The following MLLT11 variants were observed in gnomAD, a reference collection of about 807,000 sequenced individuals.
The protein encoded by MLLT11 is protein AF1q.
A neutral mutation model predicts 5.3 loss-of-function variants in MLLT11; 1 was observed. That is an observed-to-expected ratio of 0.19 (90% CI 0.07 to 0.89). The LOEUF is 0.89. Among genes scored for constraint, MLLT11 ranks in the 40% least tolerant of loss-of-function variants. The probability of loss-of-function intolerance (pLI) is 0.67; values close to 1 mark genes in which losing one functional copy is unlikely to be tolerated. For synonymous variants in MLLT11, 38 were observed against 41.7 expected (o/e 0.91, Z 0.34); for missense variants, 87 against 107.3 (o/e 0.81, Z 0.83).
chr1:151,068,641 T>G lies in MLLT11; in HGVS notation c.*1144T>G, dbSNP rs1676509205. The G allele has an allele frequency of 6.0e-6, 1 of 167,922 alleles. No homozygotes were observed. Among genetic ancestry groups the G allele is most frequent in the South Asian group, 2.0e-4 (1 of 4,956 alleles). 10.4% of individuals were successfully genotyped at this position (167,922 alleles called of 1,614,324 possible). On this transcript the variant is annotated 3_prime_UTR_variant, in exon 2 of 2. Coordinates refer to ENST00000368921, the MANE Select transcript of MLLT11 (RefSeq NM_006818.4). Reference sequence around the variant, plus strand: ...CTCTGTCACCCAGGCTGGAGTGCAGTGGCGGGGATCACCGCTCACTGCAAC... The same window carrying G: ...CTCTGTCACCCAGGCTGGAGTGCAGGGGCGGGGATCACCGCTCACTGCAAC...
At chr1:151,064,858 T>A (rs2102980541) in intron 1 of MLLT11, among the ~76,000 whole-genome samples, 1 of 152,318 alleles carries the variant, frequency 6.6e-6, no homozygotes, top group African/African-American at 2.4e-5. Context: ...AACAGAGTGA[T>A]AATTAGATAT....
intron 1 of MLLT11, among the ~76,000 whole-genome samples, chr1:151,066,344 G>T (rs1676476551): frequency 6.6e-6 from 1 of 152,034 alleles, no homozygotes; most frequent in Admixed American, 6.6e-5. Context: ...TCCCCATGTT[G>T]GACAGGCTGG....
At position 151,067,584 on chromosome 1, in the gene MLLT11, T is replaced by G; in HGVS notation, c.*87T>G. 7.1e-7 allele frequency: 1 copy of G among 1,407,234 alleles called. No individual in the cohort carries two copies. Among genetic ancestry groups the G allele is most frequent in the Non-Finnish European group, 9.8e-7 (1 of 1,016,976 alleles). 87.2% of individuals were successfully genotyped at this position (1,407,234 alleles called of 1,614,324 possible). A position where few individuals can be genotyped will look rare whatever the true frequency, so the allele number is the denominator to read the frequency against. On this transcript the variant is annotated 3_prime_UTR_variant, in exon 2 of 2. Transcript: ENST00000368921. Reference sequence around the variant, plus strand: ...TTCCACTCCTTTCCCATTTTAATCTTGTTCTCTCCCTACTGTGTTGGTGGT... The same window carrying G: ...TTCCACTCCTTTCCCATTTTAATCTGGTTCTCTCCCTACTGTGTTGGTGGT...
intron 1 of MLLT11, among the ~76,000 whole-genome samples, chr1:151,063,672 G>A (rs867352811): frequency 3.9e-5 from 6 of 152,270 alleles, no homozygotes; most frequent in East Asian, 3.9e-4. Flanking sequence ...TGATCCACCC[G>A]CCTCGGCCTC....
intron 1 of MLLT11, among the ~76,000 whole-genome samples, chr1:151,063,563 C>G (rs1383411728): frequency 6.6e-6 from 1 of 151,882 alleles, no homozygotes; most frequent in Non-Finnish European, 1.5e-5. Context: ...GTAGCTGGGA[C>G]TACAGGCGCC....
At chr1:151,064,542 A>G (rs1192344670) in intron 1 of MLLT11, among the ~76,000 whole-genome samples, 1 of 152,220 alleles carries the variant, frequency 6.6e-6, no homozygotes, top group Non-Finnish European at 1.5e-5. Flanking sequence ...ACTCCTAGGT[A>G]TGGGGACAGA....
intron 1 of MLLT11, among the ~76,000 whole-genome samples, chr1:151,061,895 CATAGAGAT>C (rs1444563450): frequency 2.0e-5 from 3 of 152,120 alleles, no homozygotes; most frequent in African/African-American, 7.2e-5. Flanking sequence ...GGGTCAATGA[CATAGAGAT>C]TTTAGGCCTT....
chr1:151,066,720 C>T (rs997686416), intron 1 of MLLT11, among the ~76,000 whole-genome samples: 14 of 151,694 alleles, frequency 9.2e-5, no homozygotes, highest in African/African-American at 3.4e-4. Flanking sequence ...GTCAGGAGAT[C>T]GAGACCATCC....
chr1:151,065,652 G>A (rs1676466151), intron 1 of MLLT11, among the ~76,000 whole-genome samples: 1 of 152,188 alleles, frequency 6.6e-6, no homozygotes, highest in South Asian at 2.1e-4. Flanking sequence ...TGCAAGAGGT[G>A]AGTTTATAGT....
chr1:151,063,532 T>G (rs976968997), intron 1 of MLLT11, among the ~76,000 whole-genome samples: 1 of 152,132 alleles, frequency 6.6e-6, no homozygotes, highest in Non-Finnish European at 1.5e-5. Context: ...TTCGCGCCAT[T>G]CTCCTGCCTC....
At position 151,067,690 on chromosome 1, in the gene MLLT11, C is replaced by T. The variant is rs1028300438; in HGVS notation, c.*193C>T. 1 of 662,218 alleles carries T rather than the reference C, an allele frequency of 1.5e-6. No homozygotes were observed. The highest frequency in any genetic ancestry group is 2.6e-6 in the Non-Finnish European group (1 of 383,566). 41.0% of individuals were successfully genotyped at this position (662,218 alleles called of 1,614,324 possible). A position where few individuals can be genotyped will look rare whatever the true frequency, so the allele number is the denominator to read the frequency against. Reference sequence around the variant, plus strand: ...CCATTTCTCTCAAAAGCCCTCAAGTCACAAAGTAAATGGTTCAAGCAATGG... The same window carrying T: ...CCATTTCTCTCAAAAGCCCTCAAGTTACAAAGTAAATGGTTCAAGCAATGG... On this transcript the variant is annotated 3_prime_UTR_variant, in exon 2 of 2. Transcript: ENST00000368921.
In MLLT11 at chr1:151,069,045, C is replaced by T. The variant is rs1295274002; in HGVS notation, c.*1548C>T. ...GGAGACAGGTACAACCACTCTTCTGCTTGCCCACTGACTACCAACATTATA... is the reference window on the plus strand; with the variant it reads ...GGAGACAGGTACAACCACTCTTCTGTTTGCCCACTGACTACCAACATTATA... On this transcript the variant is annotated 3_prime_UTR_variant, in exon 2 of 2. Coordinates refer to ENST00000368921, the MANE Select transcript of MLLT11 (RefSeq NM_006818.4). Among the ~76,000 whole-genome samples the T allele has an allele frequency of 1.3e-5, 2 of 152,124 alleles. No individual in the cohort carries two copies. The highest frequency in any genetic ancestry group is 2.9e-5 in the Non-Finnish European group (2 of 68,024).
chr1:151,063,595 A>G (rs1190160288), intron 1 of MLLT11, among the ~76,000 whole-genome samples: 1 of 151,710 alleles, frequency 6.6e-6, no homozygotes, highest in Non-Finnish European at 1.5e-5. Flanking sequence ...CCGGCTTAAT[A>G]TTTGTACTTT....
At chr1:151,062,232 C>A (rs1452124106) in intron 1 of MLLT11, among the ~76,000 whole-genome samples, 2 of 151,990 alleles carry the variant, frequency 1.3e-5, no homozygotes, top group East Asian at 3.8e-4. Flanking sequence ...CCATGTACAA[C>A]ACAAAAAGGG....
intron 1 of MLLT11, among the ~76,000 whole-genome samples, chr1:151,065,457 T>C (rs930384131): frequency 1.3e-5 from 2 of 152,250 alleles, no homozygotes; most frequent in Non-Finnish European, 2.9e-5. Context: ...GATTCTAGCT[T>C]GCTCTCTACT....
intron 1 of MLLT11, among the ~76,000 whole-genome samples, chr1:151,064,590 T>A (rs901821799): frequency 6.6e-6 from 1 of 152,210 alleles, no homozygotes; most frequent in African/African-American, 2.4e-5. Flanking sequence ...TCAGTGGAAC[T>A]GGTGAGGGAA....
chr1:151,065,041 A>G (rs1020400898), intron 1 of MLLT11, among the ~76,000 whole-genome samples: 6 of 152,164 alleles, frequency 3.9e-5, no homozygotes, highest in Admixed American at 2.6e-4. Context: ...GTGGAGGGGA[A>G]GGGGAAGCTA....
Position 151,067,616 on chromosome 1 carries a change from G to T in MLLT11, c.*119G>T. 1.8e-6 allele frequency: 2 copies of T among 1,125,358 alleles called. No individual in the cohort carries two copies. Among genetic ancestry groups the T allele is most frequent in the African/African-American group, 1.6e-5 (1 of 64,038 alleles). The allele number at this position is 1,125,358 out of a possible 1,614,324, so 69.7% of individuals were successfully genotyped here. A position where few individuals can be genotyped will look rare whatever the true frequency, so the allele number is the denominator to read the frequency against. ...TCCCTACTGTGTTGGTGGTGCTGATGAATCTGCCAGAGTTGAGTTCTATGT... is the reference window on the plus strand; with the variant it reads ...TCCCTACTGTGTTGGTGGTGCTGATTAATCTGCCAGAGTTGAGTTCTATGT... On this transcript the variant is annotated 3_prime_UTR_variant, in exon 2 of 2. Transcript: ENST00000368921.
chr1:151,066,225 C>G (rs1676474769), intron 1 of MLLT11, among the ~76,000 whole-genome samples: 1 of 151,108 alleles, frequency 6.6e-6, no homozygotes, highest in Non-Finnish European at 1.5e-5. Context: ...GCAACCTCAC[C>G]CTGCTGGATT....
Sources: allele counts gnomAD v4.1 joint callset (sites outside exome capture counted in the v4.1 genomes callset), GRCh38; gene constraint gnomAD v4.1.1; transcripts MANE v1.5; gene names NCBI Gene and HGNC (gene_info 2026-07-23, HGNC 2026-07-21).